Variants in ANO1 observed in about 807,000 individuals in gnomAD.
The protein encoded by ANO1 is anoctamin 1, also known as anoctamin-1.
ANO1 carries 59 observed loss-of-function variants against 124.0 expected under a neutral mutation model. The observed-to-expected ratio is 0.48, with a 90% CI of 0.39 to 0.59. The LOEUF (loss-of-function observed/expected upper bound fraction) is 0.59. ANO1 is among the 20% of genes least tolerant of loss of function. ANO1 has a pLI of 0.00. For missense variants in ANO1, 1,059 were observed against 1,328.0 expected, an observed-to-expected ratio of 0.80 and a Z score of 3.15; for synonymous variants, 529 against 532.0, an observed-to-expected ratio of 0.99 and a Z score of 0.08.
intron 11 of ANO1, among the ~76,000 whole-genome samples, chr11:70,137,416 C>T (rs2046991760): frequency 8.1e-6 from 1 of 123,044 alleles, no homozygotes; most frequent in African/African-American, 2.8e-5. Flanking sequence ...ACAAACCCCC[C>T]ACCCCCCCAC....
chr11:70,072,885 G>C (rs1360884508), intron 1 of ANO1: 1 of 152,270 alleles, frequency 6.6e-6, no homozygotes, highest in Non-Finnish European at 1.5e-5. Flanking sequence ...AGCCCCTCAG[G>C]CCAGAGGACA....
intron 1 of ANO1, among the ~76,000 whole-genome samples, chr11:70,068,105 C>A (rs536134659): frequency 2.4e-4 from 37 of 152,302 alleles, no homozygotes; most frequent in African/African-American, 8.9e-4. Flanking sequence ...AGGCGGGGCT[C>A]TCAATGGGGC....
chr11:70,130,307 C>T (rs2046699006), intron 10 of ANO1, among the ~76,000 whole-genome samples: 1 of 152,178 alleles, frequency 6.6e-6, no homozygotes, highest in South Asian at 2.1e-4. Context: ...TGGCCAGGGC[C>T]ACGGAGGGTA....
chr11:70,138,374 C>T (rs1205862503), intron 11 of ANO1, among the ~76,000 whole-genome samples: 2 of 111,832 alleles, frequency 1.8e-5, no homozygotes, highest in Non-Finnish European at 4.1e-5. Flanking sequence ...AAAGGCTGGG[C>T]GCAGTGGCTC....
chr11:69,999,296 C>T (rs78622185), intron 1 of ANO1, among the ~76,000 whole-genome samples: 10,444 of 152,024 alleles, frequency 0.069, 465 homozygotes, highest in South Asian at 0.15. Flanking sequence ...ATAACTGAAT[C>T]TCATGAGAAC....
At chr11:69,996,250 G>A (rs1856269675) in intron 1 of ANO1, among the ~76,000 whole-genome samples, 1 of 152,042 alleles carries the variant, frequency 6.6e-6, no homozygotes, top group Non-Finnish European at 1.5e-5. Flanking sequence ...GATCACACTG[G>A]GATCCTCCTT....
chr11:70,010,168 C>CGTGT lies in ANO1; in HGVS notation c.58+24011_58+24014dup, dbSNP rs1182713351. 4.0e-4 allele frequency among the ~76,000 whole-genome samples: 28 copies of CGTGT among 70,308 alleles called. 3 individuals carry two copies. Among genetic ancestry groups the CGTGT allele is most frequent in the East Asian group, 1.9e-3 (3 of 1,546 alleles). 46.1% of individuals were successfully genotyped at this position (70,308 alleles called of 152,430 possible). ...GTGTGTGTGTGTGTGTGTGTGTGCG[C>CGTGT]GTGTGTGTGTGTATATATATATATA... On this transcript the variant is annotated intron_variant, in intron 1 of 27. Transcript: ENST00000531349.
chr11:70,157,739 C>T (rs2047875549), intron 16 of ANO1, among the ~76,000 whole-genome samples: 1 of 152,122 alleles, frequency 6.6e-6, no homozygotes, highest in Non-Finnish European at 1.5e-5. Context: ...CACCTGTATT[C>T]CCAGCACTTT....
chr11:70,131,620 G>A (rs766081152), intron 10 of ANO1, among the ~76,000 whole-genome samples: 15 of 152,306 alleles, frequency 9.8e-5, no homozygotes, highest in Admixed American at 3.3e-4. Flanking sequence ...GAGTCACCAC[G>A]CCCGTCCCAT....
intron 1 of ANO1, chr11:70,021,131 A>G (rs7925874): frequency 0.77 from 116,685 of 151,598 alleles, 45,222 homozygotes; most frequent in East Asian, 0.94. Flanking sequence ...CCCATCTTCT[A>G]CGCTCCCAAA....
chr11:70,149,797 G>A lies in ANO1; in HGVS notation c.1341+5G>A, dbSNP rs1056369511. The A allele has an allele frequency of 6.2e-7, 1 of 1,613,234 alleles. No homozygotes were observed. The highest frequency in any genetic ancestry group is 1.3e-5 in the African/African-American group (1 of 74,906). On this transcript the variant is annotated splice_donor_5th_base_variant and intron_variant, in intron 12 of 25. Coordinates refer to ENST00000355303, the MANE Select transcript of ANO1 (RefSeq NM_018043.7). ...ACGGGCTTTGAAGAGGAAGAGGTCA[G>A]TGGGTTTGCCGCCGTGCATATCACG... is the stretch of plus-strand genomic sequence containing the variant.
At chr11:70,139,426 C>G (rs555424891) in intron 11 of ANO1, among the ~76,000 whole-genome samples, 39 of 151,476 alleles carry the variant, frequency 2.6e-4, no homozygotes, top group African/African-American at 9.5e-4. Flanking sequence ...CATGTTCAAG[C>G]GATTCTCCTG....
chr11:69,991,348 A>G (rs2120301425), intron 1 of ANO1, among the ~76,000 whole-genome samples: 1 of 152,278 alleles, frequency 6.6e-6, no homozygotes, highest in East Asian at 1.9e-4. Context: ...TAGGTTTGGG[A>G]TGCCCTGTGG....
At position 70,165,233 on chromosome 11, in the gene ANO1, C is replaced by A. The variant is rs1199144987; in HGVS notation, c.1951-237C>A. ...TTCTCTTTTTCTGAGGACATCAGTCCTCAGATGGGCGCCCCATCTGAAAAC... is the reference window on the plus strand; with the variant it reads ...TTCTCTTTTTCTGAGGACATCAGTCATCAGATGGGCGCCCCATCTGAAAAC... On this transcript the variant is annotated intron_variant, in intron 19 of 25. Coordinates refer to ENST00000355303, the MANE Select transcript of ANO1 (RefSeq NM_018043.7). 3 of 538,234 alleles carry A rather than the reference C, an allele frequency of 5.6e-6. No individual in the cohort carries two copies. In the African/African-American group the frequency reaches 5.8e-5, roughly 10 times the overall value. 33.3% of individuals were successfully genotyped at this position (538,234 alleles called of 1,614,324 possible).
At chr11:70,171,320 A>AG (rs1283297566) in intron 22 of ANO1, among the ~76,000 whole-genome samples, 1 of 152,170 alleles carries the variant, frequency 6.6e-6, no homozygotes, top group Non-Finnish European at 1.5e-5. Context: ...CTGCTGCTTT[A>AG]GGAGGTACAA....
rs773835720 is a variant in ANO1, at chr11:70,185,664, C to T, written c.2663C>T (p.Ala888Val). 9 of 1,613,848 alleles carry T rather than the reference C, an allele frequency of 5.6e-6. No homozygotes were observed. Among genetic ancestry groups the T allele is most frequent in the Non-Finnish European group, 7.6e-6 (9 of 1,179,858 alleles). Reference protein sequence around the residue: ...DISKDFWAVLAARLAFVIVFQ... With the variant: ...DISKDFWAVLVARLAFVIVFQ... Reference sequence around the variant, plus strand: ...TCCAAGGACTTCTGGGCCGTCCTGGCAGCCCGGCTGGCGTTTGTCATCGTC... The same window carrying T: ...TCCAAGGACTTCTGGGCCGTCCTGGTAGCCCGGCTGGCGTTTGTCATCGTC... The change falls in exon 25 of 26, where the codon GCA becomes GTA. Residue 888 changes from alanine (A) to valine (V), a missense_variant. Ala to Val is a moderately conservative substitution (Grantham distance 64). Transcript: ENST00000355303.
At chr11:70,100,980 G>A (rs923659900) in intron 2 of ANO1, among the ~76,000 whole-genome samples, 9 of 152,190 alleles carry the variant, frequency 5.9e-5, no homozygotes, top group South Asian at 2.1e-4. Context: ...GGCAGGCCTC[G>A]TGGACGCAGC....
chr11:70,105,036 G>A (rs550747331), intron 4 of ANO1, among the ~76,000 whole-genome samples: 4 of 152,182 alleles, frequency 2.6e-5, no homozygotes, highest in Admixed American at 2.0e-4. Flanking sequence ...TCCAGAACAG[G>A]GGCTTGGGGC....
At chr11:70,101,566 CA>C (rs1565200461) in intron 2 of ANO1, among the ~76,000 whole-genome samples, 3 of 21,294 alleles carry the variant, frequency 1.4e-4, no homozygotes, top group East Asian at 1.1e-3. Flanking sequence ...CAAAAAAGAA[CA>C]AAAAAATGAT....
Sources: allele counts gnomAD v4.1 joint callset (sites outside exome capture counted in the v4.1 genomes callset), GRCh38; gene constraint gnomAD v4.1.1; transcripts MANE v1.5; gene names NCBI Gene and HGNC (gene_info 2026-07-23, HGNC 2026-07-21).